Variants in NAA11 observed in about 807,000 individuals in gnomAD.
The protein encoded by NAA11 is N-alpha-acetyltransferase 11.
A neutral mutation model predicts 16.1 loss-of-function variants in NAA11; 15 were observed. That is an observed-to-expected ratio of 0.93 (90% confidence interval 0.62 to 1.44). NAA11 has a LOEUF of 1.44. Ranked by LOEUF, NAA11 falls within the 40% of genes most tolerant of loss-of-function variation. The pLI, the probability that NAA11 is intolerant of heterozygous loss-of-function variation, is 0.00. For missense variants in NAA11, 298 were observed against 291.3 expected, an observed-to-expected ratio of 1.02 and a Z score of -0.17; for synonymous variants, 122 against 112.4, an observed-to-expected ratio of 1.09 and a Z score of -0.54.
chr4:79,264,568 C>G (rs114099072), intron 2 of NAA11, among the ~76,000 whole-genome samples: 3,628 of 152,088 alleles, frequency 0.024, 60 homozygotes, highest in Middle Eastern at 0.051. Flanking sequence ...TCCAAAATAC[C>G]TGACTTTGTC....
intron 2 of NAA11, among the ~76,000 whole-genome samples, chr4:79,256,651 A>ATATATATATATATATATATATATAT (rs1722113513): frequency 2.3e-4 from 30 of 130,754 alleles, no homozygotes; most frequent in African/African-American, 8.9e-4. Flanking sequence ...TATAAATATA[A>ATATATATATATATATATATATATAT]ATATATATAT....
In NAA11 at chr4:79,226,437, T is replaced by A. The variant is rs1040982603; in HGVS notation, c.*123-167A>T. Among the ~76,000 whole-genome samples the A allele has an allele frequency of 3.9e-5, 6 of 152,162 alleles. No individual in the cohort carries two copies. The East Asian group carries it at 5.8e-4, about 15-fold the overall frequency. ...ATCTTTTTCTTTTTAATATATATATTTTTTATTATACTTTAAGTTCTAGGG... is the reference window on the plus strand; with the variant it reads ...ATCTTTTTCTTTTTAATATATATATATTTTATTATACTTTAAGTTCTAGGG... On this transcript the variant is annotated intron_variant and NMD_transcript_variant, in intron 2 of 2. Transcript: ENST00000511542.
chr4:79,205,526 C>G, the NAA11 span, among the ~76,000 whole-genome samples: 3 of 151,836 alleles, frequency 2.0e-5, no homozygotes, highest in Admixed American at 1.3e-4. Context: ...TTGTCAGACG[C>G]ATAGTTTGTG....
chr4:79,228,316 T>G (rs1378944045), intron 2 of NAA11, among the ~76,000 whole-genome samples: 1 of 152,060 alleles, frequency 6.6e-6, no homozygotes, highest in Non-Finnish European at 1.5e-5. Context: ...TAAAGAATTT[T>G]TGTTTTTAAG....
chr4:79,228,244 G>T (rs536802675), intron 2 of NAA11, among the ~76,000 whole-genome samples: 9 of 152,080 alleles, frequency 5.9e-5, no homozygotes, highest in Non-Finnish European at 8.8e-5. Flanking sequence ...GTTAATTTTT[G>T]ACAGGATTTT....
chr4:79,307,653 A>C (rs983164326), intron 1 of NAA11, among the ~76,000 whole-genome samples: 3 of 152,208 alleles, frequency 2.0e-5, no homozygotes, highest in Admixed American at 1.3e-4. Flanking sequence ...AAAACCTGAC[A>C]GAGCTGGGAG....
chr4:79,185,263 C>T, the NAA11 span, among the ~76,000 whole-genome samples: 52 of 152,092 alleles, frequency 3.4e-4, no homozygotes, highest in Non-Finnish European at 5.9e-4. Context: ...GCTAAATATT[C>T]TAATAAAGTC....
At chr4:79,298,005 G>C (rs1254189700) in intron 1 of NAA11, among the ~76,000 whole-genome samples, 1 of 152,184 alleles carries the variant, frequency 6.6e-6, no homozygotes, top group Non-Finnish European at 1.5e-5. Flanking sequence ...AAAAGCCCAG[G>C]GCTCAGCCAG....
At chr4:79,184,638 CTG>C in the NAA11 span, among the ~76,000 whole-genome samples, 1 of 152,150 alleles carries the variant, frequency 6.6e-6, no homozygotes, top group Non-Finnish European at 1.5e-5. Flanking sequence ...TACTCAGGCT[CTG>C]TGAGTCTGGG....
At chr4:79,220,031 T>C in the NAA11 span, among the ~76,000 whole-genome samples, 1 of 152,244 alleles carries the variant, frequency 6.6e-6, no homozygotes, top group Non-Finnish European at 1.5e-5. Context: ...AGTCAGCCAT[T>C]GTCCCAAGAA....
the NAA11 span, among the ~76,000 whole-genome samples, chr4:79,179,971 G>A: frequency 6.6e-6 from 1 of 152,086 alleles, no homozygotes; most frequent in East Asian, 1.9e-4. Flanking sequence ...AGGGGGAAGA[G>A]CCCCTCATGA....
At chr4:79,209,523 C>A in the NAA11 span, among the ~76,000 whole-genome samples, 1 of 152,084 alleles carries the variant, frequency 6.6e-6, no homozygotes, top group East Asian at 1.9e-4. Flanking sequence ...CCCAGAGGGA[C>A]CATTGCAAAT....
chr4:79,292,124 T>G (rs190284892), intron 2 of NAA11, among the ~76,000 whole-genome samples: 1 of 152,340 alleles, frequency 6.6e-6, no homozygotes, highest in East Asian at 1.9e-4. Flanking sequence ...CAGTTGATGT[T>G]GTCAACCCCT....
At chr4:79,274,971 G>A (rs1722615144) in intron 2 of NAA11, among the ~76,000 whole-genome samples, 1 of 152,022 alleles carries the variant, frequency 6.6e-6, no homozygotes, top group African/African-American at 2.4e-5. Flanking sequence ...CCAAAGACTG[G>A]AAACTAGGAC....
intron 2 of NAA11, among the ~76,000 whole-genome samples, chr4:79,257,080 G>A (rs563907478): frequency 9.2e-5 from 14 of 152,182 alleles, no homozygotes; most frequent in East Asian, 1.9e-4. Flanking sequence ...AGTTGTTAAT[G>A]AAATATTTTC....
chr4:79,206,176 T>C, the NAA11 span, among the ~76,000 whole-genome samples: 1 of 152,120 alleles, frequency 6.6e-6, no homozygotes, highest in East Asian at 1.9e-4. Flanking sequence ...AGGAATCGCA[T>C]TGAATCTGTA....
chr4:79,243,676 A>G (rs1444195730), intron 2 of NAA11, among the ~76,000 whole-genome samples: 1 of 152,232 alleles, frequency 6.6e-6, no homozygotes, highest in East Asian at 1.9e-4. Context: ...AGCAACTTCA[A>G]TTCTTGCCTC....
At chr4:79,228,130 C>T (rs1721368251) in intron 2 of NAA11, among the ~76,000 whole-genome samples, 1 of 151,742 alleles carries the variant, frequency 6.6e-6, no homozygotes, top group South Asian at 2.1e-4. Context: ...GGCTGGCTGC[C>T]CTCTCATTTA....
chr4:79,275,230 A>G (rs1400321920), intron 2 of NAA11, among the ~76,000 whole-genome samples: 1 of 152,134 alleles, frequency 6.6e-6, no homozygotes, highest in Non-Finnish European at 1.5e-5. Flanking sequence ...ACACATTGCC[A>G]AGATGAAATA....
Sources: allele counts gnomAD v4.1 joint callset (sites outside exome capture counted in the v4.1 genomes callset), GRCh38; gene constraint gnomAD v4.1.1; transcripts MANE v1.5; gene names NCBI Gene and HGNC (gene_info 2026-07-23, HGNC 2026-07-21).